Variants in CYP11B2 observed in about 807,000 individuals in gnomAD.
The protein encoded by CYP11B2 is cytochrome P450 11B2, mitochondrial.
CYP11B2 carries 38 observed loss-of-function variants against 49.3 expected under a neutral mutation model. That is an observed-to-expected ratio of 0.77 (90% CI 0.59 to 1.01). The LOEUF (loss-of-function observed/expected upper bound fraction) is 1.01. Ranked by LOEUF, CYP11B2 falls within the 50% of genes least tolerant of loss-of-function variation. The probability of loss-of-function intolerance (pLI) is 0.00; values close to 1 mark genes in which losing one functional copy is unlikely to be tolerated. For synonymous variants in CYP11B2, 290 were observed against 269.3 expected (o/e 1.08, Z -0.75); for missense variants, 669 against 655.5 (o/e 1.02, Z -0.23).
At position 142,914,918 on chromosome 8, in the gene CYP11B2, G is replaced by A. The variant is rs1817613899; in HGVS notation, c.596-10C>T. 4 of 1,613,494 alleles carry A rather than the reference G, an allele frequency of 2.5e-6. No individual in the cohort carries two copies. The highest frequency in any genetic ancestry group is 3.4e-6 in the Non-Finnish European group (4 of 1,179,858). On this transcript the variant is annotated splice_polypyrimidine_tract_variant and intron_variant, in intron 3 of 8. Transcript: ENST00000323110. Reference sequence around the variant, plus strand: ...AGAGCTAAGTTGCTGGCTGCGGGGAGGATGCACTGCTGAGCACAAGGCAGC... The same window carrying A: ...AGAGCTAAGTTGCTGGCTGCGGGGAAGATGCACTGCTGAGCACAAGGCAGC...
intron 6 of CYP11B2, among the ~76,000 whole-genome samples, 155 bp downstream of exon 6, chr8:142,913,130 G>C: frequency 6.6e-6 from 1 of 152,052 alleles, no homozygotes; most frequent in Non-Finnish European, 1.5e-5. Flanking sequence ...AGGAAGAAGA[G>C]CTCCCTGTCC....
At position 142,910,746 on chromosome 8, in the gene CYP11B2, A is replaced by G. The variant is rs554933515; in HGVS notation, c.*1234T>C. ...GAAAGCAACCTGCGGTCACAGGGTGACTGGCCTGAGTCCCTGAGTCCTGGA... is the reference window on the plus strand; with the variant it reads ...GAAAGCAACCTGCGGTCACAGGGTGGCTGGCCTGAGTCCCTGAGTCCTGGA... On this transcript the variant is annotated 3_prime_UTR_variant, in exon 9 of 9. Coordinates refer to ENST00000323110, the MANE Select transcript of CYP11B2 (RefSeq NM_000498.3). This position sits in a 1 kb window ranked among gnomAD's most constrained non-coding sequence, Gnocchi z 4.6. The G allele has an allele frequency of 6.6e-6, 1 of 152,258 alleles. No homozygotes were observed. The highest frequency in any genetic ancestry group is 2.4e-5 in the African/African-American group (1 of 41,524). The allele number at this position is 152,258 out of a possible 1,614,324, so 9.4% of individuals were successfully genotyped here. A position where few individuals can be genotyped will look rare whatever the true frequency, so the allele number is the denominator to read the frequency against.
rs781165909 is a variant in CYP11B2 at position 142,917,086 on chromosome 8, C to T, written c.368G>A (p.Arg123His). 1.7e-5 allele frequency: 28 copies of T among 1,614,098 alleles called. No homozygotes were observed. Among genetic ancestry groups the T allele is most frequent in the Middle Eastern group, 1.6e-4 (1 of 6,084 alleles). Residue 123 changes from arginine to histidine, a missense_variant, in exon 2 of 9, where the codon CGT (arginine) becomes CAT (histidine). By Grantham distance (29) the Arg-to-His change is conservative. Coordinates refer to ENST00000323110, the MANE Select transcript of CYP11B2 (RefSeq NM_000498.3). ...LEPWVAYRQH[R>H]GHKCGVFLLN... ...CAAGAACACGCCACATTTGTGCCCACGATGTTGTCTGTAGGCCACCCAGGG... is the reference window on the plus strand; with the variant it reads ...CAAGAACACGCCACATTTGTGCCCATGATGTTGTCTGTAGGCCACCCAGGG...
At position 142,917,197 on chromosome 8, in the gene CYP11B2, G is replaced by A; in HGVS notation, c.257C>T (p.Pro86Leu). ...CGGCAGCATCACACACACCATGCGT[G>A]GTCCTCCCAAGTTGTACCTGTGGGG... ...GPIFRYNLGG[P>L]RMVCVMLPED... Residue 86 changes from proline to leucine, a missense_variant, in exon 2 of 9, where the codon CCA (proline) becomes CTA (leucine). Transcript: ENST00000323110. The A allele has an allele frequency of 6.2e-7, 1 of 1,614,068 alleles. No individual in the cohort carries two copies. Among genetic ancestry groups the A allele is most frequent in the South Asian group, 1.1e-5 (1 of 91,084 alleles).
intron 2 of CYP11B2, among the ~76,000 whole-genome samples, chr8:142,915,682 C>G (rs1342436741): frequency 7.6e-6 from 1 of 130,946 alleles, no homozygotes; most frequent in Non-Finnish European, 1.8e-5. Context: ...CCCACCCTTC[C>G]CCGCCCTGGG....
At chr8:142,914,066 A>T (rs1165176569) in intron 5 of CYP11B2, 198 bp downstream of exon 5, 4 of 704,698 alleles carry the variant, frequency 5.7e-6, no homozygotes, top group South Asian at 1.5e-5. Flanking sequence ...ACTCAGTCTC[A>T]TGTGAGGGGG....
In CYP11B2 at chr8:142,914,302, C is replaced by G; in HGVS notation, c.916G>C (p.Ala306Pro). The change falls in exon 5 of 9, where the codon GCC becomes CCC. Residue 306 changes from alanine to proline, a missense_variant. Coordinates refer to ENST00000323110, the MANE Select transcript of CYP11B2 (RefSeq NM_000498.3). ...CCTGCAGTGAGTTCCATAGAGTTGG[C>G]CTTGATGGCTTCTAGTGACAGTTCC... The part of the protein sequence containing the change: ...KAELSLEAIK[A>P]NSMELTAGSV... The G allele has an allele frequency of 6.2e-7, 1 of 1,614,162 alleles. No homozygotes were observed. Among genetic ancestry groups the G allele is most frequent in the South Asian group, 1.1e-5 (1 of 91,078 alleles).
At chr8:142,916,815 C>T (rs1002584292) in intron 2 of CYP11B2, among the ~76,000 whole-genome samples, 3 of 152,176 alleles carry the variant, frequency 2.0e-5, no homozygotes, top group African/African-American at 7.2e-5. Flanking sequence ...CAGAAGGGCT[C>T]ATTGCTCTGC....
At chr8:142,913,482 T>C (rs779828747) in intron 5 of CYP11B2, 31 bp from the exon 6 acceptor site, 1 of 1,613,804 alleles carries the variant, frequency 6.2e-7, no homozygotes, top group Non-Finnish European at 8.5e-7. Context: ...GGGTCAGACC[T>C]TGCACAGGAG....
chr8:142,917,568 G>C, intron 1 of CYP11B2, 34 bp downstream of exon 1: 1 of 1,613,782 alleles, frequency 6.2e-7, no homozygotes, highest in Non-Finnish European at 8.5e-7. Flanking sequence ...GCAGGGATCT[G>C]GGTGTTCCCA....
At position 142,913,591 on chromosome 8, in the gene CYP11B2, G is replaced by A. The variant is rs1231894589; in HGVS notation, c.955-140C>T. The A allele has an allele frequency of 2.4e-5, 25 of 1,034,352 alleles. No homozygotes were observed. In the East Asian group the frequency reaches 6.2e-4, roughly 26 times the overall value. 64.1% of individuals were successfully genotyped at this position (1,034,352 alleles called of 1,614,324 possible). A position where few individuals can be genotyped will look rare whatever the true frequency, so the allele number is the denominator to read the frequency against. On this transcript the variant is annotated intron_variant, in intron 5 of 8. Transcript: ENST00000323110. ...AACAGAGCCCTGGGACCCCGGATCT[G>A]AAACCTTGATGACCACTTGGGCCAG...
At chr8:142,912,404 G>C in intron 8 of CYP11B2, 126 bp downstream of exon 8, 3 of 1,112,904 alleles carry the variant, frequency 2.7e-6, no homozygotes, top group Admixed American at 2.0e-5. Context: ...TGGTCACGCC[G>C]ACCTCAACCA....
At position 142,917,610 on chromosome 8, in the gene CYP11B2, G is replaced by T. The variant is rs1189714289; in HGVS notation, c.231C>A (p.Pro77=). ...GCCAGGGAGGGCTTTACCTGAAAAT[G>T]GGCCCCAGCTCCTGGAAGGTCTGGT... ...EMHQTFQELG[P]IFRYNLGGPR... Residue 77 remains proline (P), a synonymous_variant, in exon 1 of 9, where the codon CCC becomes CCA. Transcript: ENST00000323110. 1.9e-6 allele frequency: 3 copies of T among 1,614,228 alleles called. No individual in the cohort carries two copies. The highest frequency in any genetic ancestry group is 1.7e-6 in the Non-Finnish European group (2 of 1,180,034).
chr8:142,917,550 C>T (rs1319648316), intron 1 of CYP11B2, 52 bp downstream of exon 1: 2 of 1,613,662 alleles, frequency 1.2e-6, no homozygotes, highest in Non-Finnish European at 1.7e-6. Flanking sequence ...GGGTCCTGGG[C>T]AGCAGGGGCA....
Position 142,912,830 on chromosome 8 carries a change from G to C in CYP11B2, c.1177C>G (p.Gln393Glu). The C allele has an allele frequency of 6.2e-7, 1 of 1,613,928 alleles. No individual in the cohort carries two copies. The highest frequency in any genetic ancestry group is 8.5e-7 in the Non-Finnish European group (1 of 1,179,944). The part of the protein sequence containing the change: ...ERVVSSDLVL[Q>E]NYHIPAGTLV... The stretch of plus-strand genomic sequence containing the variant: ...ACCCCAGCTGGGATGTGGTAGTTCT[G>C]AAGCACCAAGTCTGAGCTCACCACT... Residue 393 changes from glutamine to glutamate, a missense_variant, in exon 7 of 9, where the codon CAG becomes GAG. Physicochemically the swap from Gln to Glu is conservative, Grantham distance 29. Coordinates refer to ENST00000323110, the MANE Select transcript of CYP11B2 (RefSeq NM_000498.3).
intron 8 of CYP11B2, 96 bp downstream of exon 8, chr8:142,912,434 T>C: frequency 7.4e-7 from 1 of 1,349,396 alleles, no homozygotes; most frequent in Non-Finnish European, 1.0e-6. Flanking sequence ...CCATCCACTG[T>C]TCCCAGGTGT....
At chr8:142,917,271 C>G (rs1240050434) in intron 1 of CYP11B2, 57 bp from the exon 2 acceptor site, 1 of 1,581,134 alleles carries the variant, frequency 6.3e-7, no homozygotes, top group Non-Finnish European at 8.7e-7. Context: ...GTGGCCCCAC[C>G]CTGCAGTCCC....
rs527573788 is a variant in CYP11B2 at position 142,913,019 on chromosome 8, G to A, written c.1122-134C>T. ...CCCAGGTCGTAGGAAGTACTTCCTTGCACCTGCTGAGCCCAGCCAAACCTC... is the reference window on the plus strand; with the variant it reads ...CCCAGGTCGTAGGAAGTACTTCCTTACACCTGCTGAGCCCAGCCAAACCTC... On this transcript the variant is annotated intron_variant, in intron 6 of 8. Transcript: ENST00000323110. The A allele has an allele frequency of 6.6e-4, 634 of 958,514 alleles. 10 individuals carry two copies. In the South Asian group the frequency reaches 8.7e-3, roughly 13 times the overall value. 59.4% of individuals were successfully genotyped at this position (958,514 alleles called of 1,614,324 possible). A position where few individuals can be genotyped will look rare whatever the true frequency, so the allele number is the denominator to read the frequency against.
At chr8:142,912,988 G>A (rs1817568514) in intron 6 of CYP11B2, 103 bp from the exon 7 acceptor site, 24 of 1,222,768 alleles carry the variant, frequency 2.0e-5, no homozygotes, top group Non-Finnish European at 2.5e-5. Flanking sequence ...CCAGATCCAT[G>A]GGAAGCCCAG....
Sources: gnomAD v4.1 joint callset for allele counts (sites outside exome capture counted in the v4.1 genomes callset) on GRCh38, gnomAD v4.1.1 for gene constraint, Gnocchi (gnomAD v3.1) non-coding constraint, MANE v1.5 for transcripts, NCBI Gene and HGNC (gene_info 2026-07-23, HGNC 2026-07-21) for gene names.